The following MAX variants were observed in gnomAD, a reference collection of about 807,000 sequenced individuals.
The protein encoded by MAX is MYC associated transcriptional regulator X, also known as protein max.
Under a neutral mutation model 22.3 loss-of-function variants are expected in MAX, and 3 were observed. The ratio of observed to expected loss-of-function variants is 0.13; its 90% CI spans 0.06 to 0.35. The LOEUF (loss-of-function observed/expected upper bound fraction) is 0.35, where lower values mean the gene tolerates loss of function less well. Ranked by LOEUF, MAX falls within the 10% of genes least tolerant of loss-of-function variation. The pLI, the probability that MAX is intolerant of heterozygous loss-of-function variation, is 1.00. For missense variants in MAX, 119 were observed against 209.4 expected (o/e 0.57, Z 2.66); for synonymous variants, 72 against 77.7 (o/e 0.93, Z 0.39).
chr14:65,012,530 G>T lies in MAX; in HGVS notation c.172-6246C>A, dbSNP rs762283921. On this transcript the variant is annotated intron_variant, in intron 3 of 3. Coordinates refer to the MAX transcript ENST00000341653. This position sits in a 1 kb window ranked among gnomAD's most constrained non-coding sequence, Gnocchi z 5.0. ...CTCTGTGGCTCTGGCAGGAGGTAGG[G>T]TGCTGTCACAGAGCTGGGACTCAGC... 8.5e-7 allele frequency: 1 copy of T among 1,183,396 alleles called. No homozygotes were observed. The highest frequency in any genetic ancestry group is 1.2e-6 in the Non-Finnish European group (1 of 843,574). The allele number at this position is 1,183,396 out of a possible 1,614,324, so 73.3% of individuals were successfully genotyped here. A position where few individuals can be genotyped will look rare whatever the true frequency, so the allele number is the denominator to read the frequency against.
chr14:65,044,310 G>A lies in MAX; in HGVS notation c.172-38026C>T. On this transcript the variant is annotated intron_variant, in intron 3 of 3. Coordinates refer to the MAX transcript ENST00000341653. The surrounding 1 kb of genome is among the most constrained non-coding windows in gnomAD (Gnocchi z 5.5). ...TGCCTTTCCCATCTGTGTCTCCTCA[G>A]CAATGGGTGACAAGCCGGCAGATGC... 1 of 1,613,284 alleles carries A rather than the reference G, an allele frequency of 6.2e-7. No individual in the cohort carries two copies. The highest frequency in any genetic ancestry group is 8.5e-7 in the Non-Finnish European group (1 of 1,179,690).
intron 3 of MAX, chr14:65,015,643 C>G (rs772863083): frequency 6.2e-7 from 1 of 1,614,002 alleles, no homozygotes; most frequent in Non-Finnish European, 8.5e-7. Context: ...TGCCAGCCGC[C>G]CATGGCTCTG....
intron 2 of MAX, among the ~76,000 whole-genome samples, chr14:65,098,889 G>A (rs1217434468): frequency 3.3e-5 from 5 of 152,120 alleles, no homozygotes; most frequent in Admixed American, 2.0e-4. Flanking sequence ...TTCTCATGTA[G>A]TAAGGCCTAT....
Position 65,029,816 on chromosome 14 carries a change from T to G in MAX, c.172-23532A>C, listed in dbSNP as rs555706935. Among the ~76,000 whole-genome samples the G allele has an allele frequency of 6.6e-6, 1 of 152,248 alleles. No individual in the cohort carries two copies. Among genetic ancestry groups the G allele is most frequent in the African/African-American group, 2.4e-5 (1 of 41,552 alleles). On this transcript the variant is annotated intron_variant, in intron 3 of 3. Coordinates refer to the MAX transcript ENST00000341653. The surrounding 1 kb of genome is among the most constrained non-coding windows in gnomAD (Gnocchi z 4.7). ...CTGGAGTTTAGTGATGTGATCTGAT[T>G]TGTATTTTCTTAGAAGTTTCCCAAT...
intron 3 of MAX, among the ~76,000 whole-genome samples, chr14:65,013,316 CTT>C (rs1376916648): frequency 8.4e-6 from 1 of 118,374 alleles, no homozygotes; most frequent in East Asian, 2.5e-4. Flanking sequence ...GCCAAATCAT[CTT>C]TGTTTCCTTT....
chr14:65,065,417 G>A lies in MAX; in HGVS notation c.171+28291C>T, dbSNP rs148520212. Among the ~76,000 whole-genome samples, 368 of 152,268 alleles carry A rather than the reference G, an allele frequency of 2.4e-3. 5 individuals are homozygous for A. The highest frequency in any genetic ancestry group is 8.4e-3 in the African/African-American group (350 of 41,540). ...ATGACGAGGATACACCCTGAGAAAA[G>A]CAGTCAGGTGATCTCGTCGTTGTGT... On this transcript the variant is annotated intron_variant, in intron 3 of 3. Coordinates refer to the MAX transcript ENST00000341653.
Position 65,029,131 on chromosome 14 carries a change from C to T in MAX, c.172-22847G>A, listed in dbSNP as rs1337861109. ...TAGCCATATTCTTCCCTGACCTTTG[C>T]TCTTTGGGTGATGCTCTGCCATTCG... On this transcript the variant is annotated intron_variant, in intron 3 of 3. Transcript: ENST00000341653. This position sits in a 1 kb window ranked among gnomAD's most constrained non-coding sequence, Gnocchi z 4.7. Among the ~76,000 whole-genome samples the T allele has an allele frequency of 6.6e-6, 1 of 152,160 alleles. No individual in the cohort carries two copies. Among genetic ancestry groups the T allele is most frequent in the African/African-American group, 2.4e-5 (1 of 41,424 alleles).
Position 65,076,142 on chromosome 14 carries a change from A to C in MAX, c.*334T>G. The C allele has an allele frequency of 1.5e-6, 2 of 1,309,272 alleles. No individual in the cohort carries two copies. Among genetic ancestry groups the C allele is most frequent in the Non-Finnish European group, 9.7e-7 (1 of 1,027,118 alleles). 81.1% of individuals were successfully genotyped at this position (1,309,272 alleles called of 1,614,324 possible). On this transcript the variant is annotated 3_prime_UTR_variant, in exon 5 of 5. Coordinates refer to ENST00000358664, the MANE Select transcript of MAX (RefSeq NM_002382.5). The surrounding 1 kb of genome is among the most constrained non-coding windows in gnomAD (Gnocchi z 6.6). The stretch of plus-strand genomic sequence containing the variant: ...GCCCGGCAGGGCTGGAGGAGCTGGT[A>C]GGGTGGGCAGGACACTATGTGCTCA...
rs112080300 is a variant in MAX, at chr14:65,035,634, A to G, written c.172-29350T>C. 6.2e-3 allele frequency among the ~76,000 whole-genome samples: 906 copies of G among 145,196 alleles called. 11 individuals carry two copies. Among genetic ancestry groups the G allele is most frequent in the East Asian group, 0.042 (201 of 4,772 alleles). ...AGCCACCACCTCCTGGGCTCAAGCA[A>G]TCCTCCCATCTCAACCTCCTAAGTA... On this transcript the variant is annotated intron_variant, in intron 3 of 3. Coordinates refer to the MAX transcript ENST00000341653.
rs1277385203 is a variant in MAX, at chr14:65,044,442, A to G, written c.172-38158T>C. ...TGCTCCACCGCGCACTGCACGCCCA[A>G]GGTGAGCCTGGGGAGCTGTTCACTT... On this transcript the variant is annotated intron_variant, in intron 3 of 3. Coordinates refer to the MAX transcript ENST00000341653. This position sits in a 1 kb window ranked among gnomAD's most constrained non-coding sequence, Gnocchi z 5.5. The G allele has an allele frequency of 6.2e-7, 1 of 1,606,410 alleles. No homozygotes were observed. Among genetic ancestry groups the G allele is most frequent in the South Asian group, 1.1e-5 (1 of 89,690 alleles).
intron 3 of MAX, among the ~76,000 whole-genome samples, chr14:65,036,401 T>G (rs2062194434): frequency 6.6e-6 from 1 of 151,026 alleles, no homozygotes; most frequent in African/African-American, 2.4e-5. Context: ...CACACCTGGC[T>G]AATTTTTGTG....
Position 65,047,347 on chromosome 14 carries a change from G to A in MAX, c.172-41063C>T, listed in dbSNP as rs888179151. 1.3e-5 allele frequency among the ~76,000 whole-genome samples: 2 copies of A among 152,252 alleles called. No homozygotes were observed. The highest frequency in any genetic ancestry group is 2.9e-5 in the Non-Finnish European group (2 of 68,042). ...CACTCACAAGGGTTAGTATGTGGTTGTGTGAATCCAGACTAGCTGGCATCT... is the reference window on the plus strand; with the variant it reads ...CACTCACAAGGGTTAGTATGTGGTTATGTGAATCCAGACTAGCTGGCATCT... On this transcript the variant is annotated intron_variant, in intron 3 of 3. Transcript: ENST00000341653. This position sits in a 1 kb window ranked among gnomAD's most constrained non-coding sequence, Gnocchi z 5.2.
At position 65,040,257 on chromosome 14, in the gene MAX, A is replaced by ATGTATATATATGTATATATATGTG. The variant is rs1555336276; in HGVS notation, c.172-33997_172-33974dup. 3.2e-3 allele frequency among the ~76,000 whole-genome samples: 481 copies of ATGTATATATATGTATATATATGTG among 148,938 alleles called. 1 individual carries two copies. The highest frequency in any genetic ancestry group is 0.011 in the African/African-American group (432 of 40,692). The stretch of plus-strand genomic sequence containing the variant: ...ACTTGATGGTTATCACTATATATAT[A>ATGTATATATATGTATATATATGTG]TGTATATATATGTATATATATGTGT... On this transcript the variant is annotated intron_variant, in intron 3 of 3. Coordinates refer to the MAX transcript ENST00000341653.
intron 3 of MAX, among the ~76,000 whole-genome samples, chr14:65,086,493 G>A (rs2063336803): frequency 6.6e-6 from 1 of 152,174 alleles, no homozygotes; most frequent in South Asian, 2.1e-4. Flanking sequence ...ATGGAGATGA[G>A]GAACTTGTTG....
intron 3 of MAX, among the ~76,000 whole-genome samples, chr14:65,038,947 T>C (rs1198123132): frequency 6.6e-6 from 1 of 152,236 alleles, no homozygotes; most frequent in Non-Finnish European, 1.5e-5. Flanking sequence ...TCAATAGTCT[T>C]ACTTCATATA....
At chr14:65,006,423 A>G (rs532379038) in intron 3 of MAX, 1 of 1,349,932 alleles carries the variant, frequency 7.4e-7, no homozygotes, top group African/African-American at 1.5e-5. Context: ...ACAGCTAGAG[A>G]TTAGCAAATG....
At chr14:65,072,524 C>CG (rs2062999363), downstream of MAX, among the ~76,000 whole-genome samples, 1 of 152,166 alleles carries the variant, frequency 6.6e-6, no homozygotes, top group Admixed American at 6.5e-5. Context: ...TTTGGTTCCC[C>CG]GGGTTATATT....
chr14:65,033,245 C>G (rs2062120763), intron 3 of MAX, among the ~76,000 whole-genome samples: 2 of 151,942 alleles, frequency 1.3e-5, no homozygotes, highest in African/African-American at 2.4e-5. Flanking sequence ...GAAAAAAATA[C>G]AAAAAAACCA....
chr14:65,091,654 C>T (rs1174271142), intron 3 of MAX, among the ~76,000 whole-genome samples: 2 of 152,206 alleles, frequency 1.3e-5, no homozygotes, highest in African/African-American at 4.8e-5. Context: ...ATGCTCATTA[C>T]CAGACAGATG....
Sources: gnomAD v4.1 joint callset for allele counts (sites outside exome capture counted in the v4.1 genomes callset) on GRCh38, gnomAD v4.1.1 for gene constraint, Gnocchi (gnomAD v3.1) non-coding constraint, MANE v1.5 for transcripts, NCBI Gene and HGNC (gene_info 2026-07-23, HGNC 2026-07-21) for gene names.